Variants in ATOSA observed in about 807,000 individuals in gnomAD.
ATOSA encodes the protein atos homolog A, also known as atos homolog protein A.
chr15:52,603,276 G>A, the ATOSA span, among the ~76,000 whole-genome samples: 7 of 152,104 alleles, frequency 4.6e-5, no homozygotes, highest in Non-Finnish European at 7.4e-5. Context: ...ACCATAATGA[G>A]ATGTTGTCTC....
chr15:52,611,534 G>C, the ATOSA span: 2 of 1,586,162 alleles, frequency 1.3e-6, no homozygotes, highest in African/African-American at 1.4e-5. Flanking sequence ...TGGAAAACTT[G>C]ATTTACCAAG....
the ATOSA span, among the ~76,000 whole-genome samples, chr15:52,691,287 CTT>C: frequency 1.3e-5 from 2 of 152,130 alleles, no homozygotes; most frequent in African/African-American, 2.4e-5. Flanking sequence ...CTTTACAAGA[CTT>C]AGTCTCATTG....
the ATOSA span, among the ~76,000 whole-genome samples, chr15:52,610,962 ATT>A: frequency 1.3e-5 from 2 of 152,226 alleles, no homozygotes; most frequent in Non-Finnish European, 2.9e-5. Flanking sequence ...CAAAATTCAT[ATT>A]GAGTCAATCC....
the ATOSA span, chr15:52,609,841 T>A: frequency 2.5e-6 from 4 of 1,613,894 alleles, no homozygotes; most frequent in Non-Finnish European, 1.7e-6. Flanking sequence ...AGGGTTAGTC[T>A]CACCAGCTGA....
the ATOSA span, among the ~76,000 whole-genome samples, chr15:52,623,486 G>A: frequency 6.6e-6 from 1 of 151,922 alleles, no homozygotes; most frequent in Non-Finnish European, 1.5e-5. Flanking sequence ...GTAGATAGAG[G>A]AGAGCAGGGA....
the ATOSA span, among the ~76,000 whole-genome samples, chr15:52,704,056 AT>A: frequency 4.8e-4 from 73 of 152,290 alleles, no homozygotes; most frequent in African/African-American, 1.7e-3. Flanking sequence ...ACATACATAG[AT>A]TCATTACTTT....
chr15:52,609,006 T>G, the ATOSA span: 1 of 1,613,212 alleles, frequency 6.2e-7, no homozygotes, highest in Non-Finnish European at 8.5e-7. Flanking sequence ...GTTTATCAAT[T>G]CCATTGCTCA....
the ATOSA span, among the ~76,000 whole-genome samples, chr15:52,582,649 T>C: frequency 6.6e-6 from 1 of 152,188 alleles, no homozygotes; most frequent in Non-Finnish European, 1.5e-5. Context: ...GGCAGTTCAC[T>C]CACATTACTC....
the ATOSA span, chr15:52,584,638 A>C: frequency 1.0e-6 from 1 of 953,828 alleles, no homozygotes; most frequent in South Asian, 1.8e-5. Flanking sequence ...CAAGCTAAGC[A>C]AAGTCCCAAG....
the ATOSA span, among the ~76,000 whole-genome samples, chr15:52,639,133 C>T: frequency 6.6e-6 from 1 of 150,518 alleles, no homozygotes; most frequent in Non-Finnish European, 1.5e-5. Flanking sequence ...AAAAGTTTAC[C>T]TTTTATATTA....
At chr15:52,708,895 G>A in the ATOSA span, among the ~76,000 whole-genome samples, 1 of 152,060 alleles carries the variant, frequency 6.6e-6, no homozygotes, top group African/African-American at 2.4e-5. Context: ...CTTCCTCACT[G>A]GTAGGATGAA....
At chr15:52,611,320 C>A in the ATOSA span, 1 of 1,571,736 alleles carries the variant, frequency 6.4e-7, no homozygotes. Flanking sequence ...TTTAGAATGG[C>A]AGAAGCTGAG....
At chr15:52,678,736 G>A in the ATOSA span, 3 of 153,038 alleles carry the variant, frequency 2.0e-5, no homozygotes, top group Non-Finnish European at 4.4e-5. Context: ...GGCCGGCTCC[G>A]GGGGAGGTGT....
the ATOSA span, chr15:52,608,483 C>T: frequency 1.5e-6 from 2 of 1,346,686 alleles, no homozygotes; most frequent in Non-Finnish European, 2.0e-6. Flanking sequence ...GAACCTTGGG[C>T]CTTTATAACC....
At chr15:52,611,092 G>A in the ATOSA span, 1 of 1,577,230 alleles carries the variant, frequency 6.3e-7, no homozygotes, top group African/African-American at 1.4e-5. Context: ...CAAGGTGGCT[G>A]AATACGCACT....
chr15:52,689,531 T>G, the ATOSA span, among the ~76,000 whole-genome samples: 1 of 152,178 alleles, frequency 6.6e-6, no homozygotes, highest in African/African-American at 2.4e-5. Flanking sequence ...GTAATTGCCT[T>G]TAATAGTAAG....
the ATOSA span, among the ~76,000 whole-genome samples, chr15:52,619,659 C>T: frequency 6.6e-6 from 1 of 151,694 alleles, no homozygotes; most frequent in South Asian, 2.1e-4. Flanking sequence ...ATGGTGAAAC[C>T]CTGTCTCTAC....
At chr15:52,624,696 A>C in the ATOSA span, among the ~76,000 whole-genome samples, 4 of 152,094 alleles carry the variant, frequency 2.6e-5, no homozygotes, top group African/African-American at 9.7e-5. Flanking sequence ...TACATCTACT[A>C]ATGGGTTAAA....
chr15:52,621,975 G>A, the ATOSA span, among the ~76,000 whole-genome samples: 1 of 151,774 alleles, frequency 6.6e-6, no homozygotes, highest in Non-Finnish European at 1.5e-5. Flanking sequence ...TCAGCGTCCT[G>A]AGTAGGGATC....
Sources: gnomAD v4.1 joint callset for allele counts (sites outside exome capture counted in the v4.1 genomes callset) on GRCh38, gnomAD v4.1.1 for gene constraint, MANE v1.5 for transcripts, NCBI Gene and HGNC (gene_info 2026-07-23, HGNC 2026-07-21) for gene names.